Variants in ARHGAP26 observed in about 807,000 individuals in gnomAD.
ARHGAP26 encodes the protein Rho GTPase activating protein 26.
Under a neutral mutation model 104.8 loss-of-function variants are expected in ARHGAP26, and 38 were observed. The observed-to-expected ratio is 0.36, with a 90% CI of 0.28 to 0.48. The LOEUF is 0.48. ARHGAP26 is among the 20% of genes least tolerant of loss of function. The probability of loss-of-function intolerance (pLI) is 0.99; values close to 1 mark genes in which losing one functional copy is unlikely to be tolerated. For missense variants in ARHGAP26, 704 were observed against 947.9 expected, an observed-to-expected ratio of 0.74 and a Z score of 3.38; for synonymous variants, 341 against 340.0, an observed-to-expected ratio of 1.00 and a Z score of -0.03.
intron 12 of ARHGAP26, among the ~76,000 whole-genome samples, chr5:143,019,246 G>A (rs1443236761): frequency 6.6e-6 from 1 of 152,066 alleles, no homozygotes; most frequent in African/African-American, 2.4e-5. Flanking sequence ...GAAGAAGAAA[G>A]TATGATATTG....
chr5:142,860,963 G>T (rs1753210801), intron 1 of ARHGAP26, among the ~76,000 whole-genome samples: 1 of 152,198 alleles, frequency 6.6e-6, no homozygotes, highest in South Asian at 2.1e-4. Context: ...TTGATTGAGG[G>T]TGGGCTCCCT....
intron 10 of ARHGAP26, 57 bp downstream of exon 10, chr5:142,913,350 C>T: frequency 6.6e-7 from 1 of 1,508,662 alleles, no homozygotes; most frequent in Middle Eastern, 1.7e-4. Context: ...CTATATCTTA[C>T]TTTTTCTTTC....
chr5:142,983,906 T>C (rs1324966250), intron 11 of ARHGAP26, among the ~76,000 whole-genome samples: 5 of 152,368 alleles, frequency 3.3e-5, no homozygotes, highest in Middle Eastern at 3.4e-3. Flanking sequence ...TTCTCATGTC[T>C]GTCAGTTTAG....
chr5:142,856,429 C>A (rs1216729690), intron 1 of ARHGAP26, among the ~76,000 whole-genome samples: 1 of 152,188 alleles, frequency 6.6e-6, no homozygotes, highest in Non-Finnish European at 1.5e-5. Flanking sequence ...CTGAACAGAC[C>A]ACCCACAGTG....
At chr5:142,953,149 A>G (rs373570152) in intron 11 of ARHGAP26, among the ~76,000 whole-genome samples, 13 of 152,280 alleles carry the variant, frequency 8.5e-5, no homozygotes, top group South Asian at 4.1e-4. Context: ...ACCAACCAGG[A>G]TTGTCCTCAC....
At chr5:143,128,540 C>T (rs140567669) in intron 18 of ARHGAP26, among the ~76,000 whole-genome samples, 70 of 152,304 alleles carry the variant, frequency 4.6e-4, no homozygotes, top group African/African-American at 1.7e-3. Context: ...TCTGCAGTTA[C>T]AGCCTCTGAA....
Position 143,078,461 on chromosome 5 carries a change from A to G in ARHGAP26, c.1538+20714A>G, listed in dbSNP as rs140393309. Among the ~76,000 whole-genome samples, 360 of 152,190 alleles carry G rather than the reference A, an allele frequency of 2.4e-3. 6 individuals are homozygous for G. The East Asian group carries it at 0.043, about 18-fold the overall frequency. ...GTCCGTTTTATTCCCTCGGCTGTGGACACTGATGGACCGTGCTAGAGAAGA... is the reference window on the plus strand; with the variant it reads ...GTCCGTTTTATTCCCTCGGCTGTGGGCACTGATGGACCGTGCTAGAGAAGA... On this transcript the variant is annotated intron_variant, in intron 17 of 22. Transcript: ENST00000645722.
chr5:143,202,789 G>A (rs960795736), intron 20 of ARHGAP26: 1 of 152,172 alleles, frequency 6.6e-6, no homozygotes, highest in African/African-American at 2.4e-5. Flanking sequence ...ACAACCATCT[G>A]ATCTCTGACA....
chr5:142,852,476 A>G (rs569628312), intron 1 of ARHGAP26, among the ~76,000 whole-genome samples: 19 of 152,376 alleles, frequency 1.2e-4, no homozygotes, highest in African/African-American at 4.3e-4. Context: ...TACAAAATTC[A>G]GGGAGACTGT....
chr5:143,177,652 T>C lies in ARHGAP26; in HGVS notation c.1989-29546T>C, dbSNP rs374263831. Among the ~76,000 whole-genome samples, 29 of 152,346 alleles carry C rather than the reference T, an allele frequency of 1.9e-4. 1 individual carries two copies. In the East Asian group the frequency reaches 4.0e-3, roughly 21 times the overall value. ...ACAATAATACTACAAAATATATTTA[T>C]AGTGCTTTTCAGTTTTCAGAGCCAC... On this transcript the variant is annotated intron_variant, in intron 20 of 22. Coordinates refer to ENST00000645722, the MANE Select transcript of ARHGAP26 (RefSeq NM_001135608.3).
chr5:143,011,014 A>G (rs532281165), intron 11 of ARHGAP26: 7 of 152,318 alleles, frequency 4.6e-5, no homozygotes, highest in African/African-American at 1.7e-4. Context: ...GGTCTTAGCT[A>G]TTACACTGTG....
At chr5:143,025,378 C>T (rs756992643) in intron 12 of ARHGAP26, among the ~76,000 whole-genome samples, 16 of 152,144 alleles carry the variant, frequency 1.1e-4, no homozygotes, top group African/African-American at 3.4e-4. Flanking sequence ...TAAAGCATTT[C>T]GAGGTAAGAA....
chr5:142,982,173 TC>T (rs1216654762), intron 11 of ARHGAP26, among the ~76,000 whole-genome samples: 1 of 152,044 alleles, frequency 6.6e-6, no homozygotes, highest in African/African-American at 2.4e-5. Flanking sequence ...TACACACACC[TC>T]CCCATCCCCC....
chr5:143,098,229 G>A (rs975982), intron 17 of ARHGAP26, among the ~76,000 whole-genome samples: 151,131 of 152,340 alleles, frequency 0.99, 74,969 homozygotes, highest in East Asian at 1. Context: ...TTCAGACCAT[G>A]TATTCTTCTT....
intron 17 of ARHGAP26, among the ~76,000 whole-genome samples, chr5:143,082,009 CAA>C (rs71576162): frequency 3.3e-3 from 128 of 38,258 alleles, no homozygotes; most frequent in African/African-American, 0.01. Flanking sequence ...GACTCCATCT[CAA>C]AAAAAAAAAA....
At chr5:142,988,623 C>T (rs887370107) in intron 11 of ARHGAP26, among the ~76,000 whole-genome samples, 10 of 151,998 alleles carry the variant, frequency 6.6e-5, no homozygotes, top group East Asian at 1.9e-4. Context: ...CTCTTGTGGG[C>T]GTTTAGTGCT....
At chr5:142,923,118 ATGCCTGTTTGC>A (rs1763426381) in intron 10 of ARHGAP26, among the ~76,000 whole-genome samples, 1 of 151,520 alleles carries the variant, frequency 6.6e-6, no homozygotes, top group Non-Finnish European at 1.5e-5. Flanking sequence ...AAATGAGAGC[ATGCCTGTTTGC>A]TGTTTGATTC....
chr5:143,211,265 A>G (rs1012255835), intron 21 of ARHGAP26, among the ~76,000 whole-genome samples: 4 of 152,168 alleles, frequency 2.6e-5, no homozygotes, highest in Non-Finnish European at 5.9e-5. Flanking sequence ...ATTTTTTCAT[A>G]TATGTATGTC....
chr5:143,089,619 C>T (rs1791111805), intron 17 of ARHGAP26, among the ~76,000 whole-genome samples: 1 of 152,162 alleles, frequency 6.6e-6, no homozygotes, highest in Non-Finnish European at 1.5e-5. Context: ...GGCTAGTGGC[C>T]CCTAATTGCT....
Sources: allele counts gnomAD v4.1 joint callset (sites outside exome capture counted in the v4.1 genomes callset), GRCh38; gene constraint gnomAD v4.1.1; transcripts MANE v1.5; gene names NCBI Gene and HGNC (gene_info 2026-07-23, HGNC 2026-07-21).